POLQ: variants seen among roughly 807,000 people sequenced by gnomAD.
POLQ encodes the protein DNA polymerase theta, also known as epididymis secretory sperm binding protein.
A neutral mutation model predicts 259.2 loss-of-function variants in POLQ; 233 were observed. The observed-to-expected ratio is 0.90, with a 90% confidence interval of 0.81 to 1.00. The LOEUF (loss-of-function observed/expected upper bound fraction) is 1.00, where lower values mean the gene tolerates loss of function less well. Among genes scored for constraint, POLQ ranks in the 50% least tolerant of loss-of-function variants. The probability of loss-of-function intolerance (pLI) is 0.00; values close to 1 mark genes in which losing one functional copy is unlikely to be tolerated. For missense variants in POLQ, 2,871 were observed against 3,051.6 expected, an observed-to-expected ratio of 0.94 and a Z score of 1.39; for synonymous variants, 1,025 against 1,048.8, an observed-to-expected ratio of 0.98 and a Z score of 0.44.
chr3:121,506,679 C>A (rs2048211226), intron 12 of POLQ, among the ~76,000 whole-genome samples: 2 of 152,106 alleles, frequency 1.3e-5, no homozygotes, highest in Admixed American at 1.3e-4. Context: ...TTTGCAAAAC[C>A]AAAATCACTT....
intron 27 of POLQ, among the ~76,000 whole-genome samples, chr3:121,439,246 T>C (rs2047568615): frequency 6.6e-6 from 1 of 151,590 alleles, no homozygotes; most frequent in Non-Finnish European, 1.5e-5. Context: ...TTTTTTTTAA[T>C]TAAACATAGG....
chr3:121,440,159 A>C (rs1019292860), intron 26 of POLQ, 43 bp from the exon 27 acceptor site: 4 of 1,513,358 alleles, frequency 2.6e-6, no homozygotes, highest in Admixed American at 1.7e-5. Context: ...ACCAAAGTCT[A>C]TCCTTCACTT....
chr3:121,481,391 T>C (rs897320752), intron 19 of POLQ, among the ~76,000 whole-genome samples, 181 bp downstream of exon 19: 4 of 152,366 alleles, frequency 2.6e-5, no homozygotes, highest in African/African-American at 7.2e-5. Flanking sequence ...GTATTTGTGA[T>C]AGAGATTGTT....
At chr3:121,438,856 T>TG (rs991882556) in intron 27 of POLQ, among the ~76,000 whole-genome samples, 1 of 152,212 alleles carries the variant, frequency 6.6e-6, no homozygotes, top group Non-Finnish European at 1.5e-5. Context: ...TGTGGATATA[T>TG]GGGAGGCTAG....
At chr3:121,506,990 G>C (rs1014597159) in intron 12 of POLQ, among the ~76,000 whole-genome samples, 5 of 152,060 alleles carry the variant, frequency 3.3e-5, no homozygotes, top group Non-Finnish European at 4.4e-5. Context: ...AAAAAAAAAG[G>C]TATAATGTAT....
At chr3:121,471,937 A>G (rs2047886550) in intron 22 of POLQ, 53 bp downstream of exon 22, 3 of 1,054,936 alleles carry the variant, frequency 2.8e-6, no homozygotes, top group Admixed American at 2.6e-5. Context: ...TTACATATGA[A>G]AATGCTTTTC....
At position 121,539,806 on chromosome 3, in the gene POLQ, A is replaced by G. The variant is rs535126319; in HGVS notation, c.475-217T>C. Among the ~76,000 whole-genome samples, 15 of 152,354 alleles carry G rather than the reference A, an allele frequency of 9.8e-5. No individual in the cohort carries two copies. The South Asian group carries it at 3.1e-3, about 32-fold the overall frequency. On this transcript the variant is annotated intron_variant, in intron 3 of 29. Transcript: ENST00000264233. ...AAACTGTTAAGAGTCAAATAAAATT[A>G]TGCCATTTTAATGACAGCATAATAA...
chr3:121,498,779 TA>T (rs1323843283), intron 12 of POLQ, 109 bp from the exon 13 acceptor site: 40 of 734,928 alleles, frequency 5.4e-5, no homozygotes, highest in Non-Finnish European at 8.2e-5. Context: ...TATGTGCCTG[TA>T]GTCCTAGCTA....
chr3:121,500,325 T>C (rs915434659), intron 12 of POLQ, among the ~76,000 whole-genome samples: 1 of 151,682 alleles, frequency 6.6e-6, no homozygotes, highest in Admixed American at 6.6e-5. Context: ...TGGGGTTTAT[T>C]ATGTTGCCCA....
At position 121,432,243 on chromosome 3, in the gene POLQ, G is replaced by C. The variant is rs1377950691; in HGVS notation, c.*61C>G. On this transcript the variant is annotated 3_prime_UTR_variant, in exon 30 of 30. Transcript: ENST00000264233. ...TGAGGTAGGTGAAAGGGTAATCTCT[G>C]TTCTTTCCAGGTGACTGCATCTGCA... 2 of 1,489,240 alleles carry C rather than the reference G, an allele frequency of 1.3e-6. No homozygotes were observed. The highest frequency in any genetic ancestry group is 2.9e-5 in the African/African-American group (2 of 69,244). 92.3% of individuals were successfully genotyped at this position (1,489,240 alleles called of 1,614,324 possible). A position where few individuals can be genotyped will look rare whatever the true frequency, so the allele number is the denominator to read the frequency against.
At chr3:121,467,043 G>A (rs571513805) in intron 24 of POLQ, among the ~76,000 whole-genome samples, 1 of 152,292 alleles carries the variant, frequency 6.6e-6, no homozygotes, top group South Asian at 2.1e-4. Flanking sequence ...GGCAGAATGA[G>A]AATAGCCTTA....
At chr3:121,513,176 A>T (rs893448969) in intron 9 of POLQ, among the ~76,000 whole-genome samples, 1 of 152,152 alleles carries the variant, frequency 6.6e-6, no homozygotes, top group Non-Finnish European at 1.5e-5. Flanking sequence ...TTACCACCCG[A>T]GGCAAAGAGA....
chr3:121,517,341 G>A (rs556280878), intron 9 of POLQ, among the ~76,000 whole-genome samples: 1 of 151,734 alleles, frequency 6.6e-6, no homozygotes, highest in African/African-American at 2.4e-5. Context: ...GATGTCAGCT[G>A]TAGGAAAAAT....
chr3:121,509,845 A>T, intron 11 of POLQ, 142 bp from the exon 12 acceptor site: 1 of 898,158 alleles, frequency 1.1e-6, no homozygotes, highest in Non-Finnish European at 1.7e-6. Context: ...ATGAAAATGT[A>T]TGAGCAGGCT....
At position 121,467,812 on chromosome 3, in the gene POLQ, G is replaced by C. The variant is rs191964064; in HGVS notation, c.6846-172C>G. 3.3e-5 allele frequency among the ~76,000 whole-genome samples: 5 copies of C among 152,338 alleles called. No individual in the cohort carries two copies. In the East Asian group the frequency reaches 9.6e-4, roughly 29 times the overall value. ...TACCAGCACTTTGGGAAGCCGAGGC[G>C]AGTAGATTGCTTGAGCCCAGGAGTT... On this transcript the variant is annotated intron_variant, in intron 23 of 29. Coordinates refer to ENST00000264233, the MANE Select transcript of POLQ (RefSeq NM_199420.4).
chr3:121,458,779 A>C (rs962516807), intron 25 of POLQ, among the ~76,000 whole-genome samples: 1 of 152,176 alleles, frequency 6.6e-6, no homozygotes, highest in Non-Finnish European at 1.5e-5. Context: ...GGCTGGGTGC[A>C]GTGGCTCATG....
rs774439685 is a variant in POLQ at position 121,522,072 on chromosome 3, G to T, written c.1186C>A (p.Arg396Ser). ...ACAGAGTCCAGTCCTGAAGGCAAAC[G>T]TCTTAACTGATCCATCACTTCCAGG... ...ELLEVMDQLR[R>S]LPSGLDSVLQ... Residue 396 changes from arginine to serine, a missense_variant, in exon 8 of 30, where the codon CGT becomes AGT. This residue lies in a region of POLQ where 783 missense variants were observed against 906.2 expected (regional missense o/e 0.86). Coordinates refer to ENST00000264233, the MANE Select transcript of POLQ (RefSeq NM_199420.4). 6.2e-7 allele frequency: 1 copy of T among 1,609,718 alleles called. No individual in the cohort carries two copies. The highest frequency in any genetic ancestry group is 8.5e-7 in the Non-Finnish European group (1 of 1,177,190).
At chr3:121,473,659 T>G (rs149916397) in intron 20 of POLQ, among the ~76,000 whole-genome samples, 172 bp from the exon 21 acceptor site, 5 of 152,194 alleles carry the variant, frequency 3.3e-5, no homozygotes, top group East Asian at 1.9e-4. Flanking sequence ...CAATCAAAAT[T>G]TATATGTCAG....
intron 2 of POLQ, 27 bp downstream of exon 2, chr3:121,544,700 G>A (rs747529063): frequency 6.9e-7 from 1 of 1,439,968 alleles, no homozygotes; most frequent in Non-Finnish European, 9.7e-7. Context: ...CTTAAAAATA[G>A]TAATTAGTTT....
Sources: gnomAD v4.1 joint callset for allele counts (sites outside exome capture counted in the v4.1 genomes callset) on GRCh38, gnomAD v4.1.1 for gene constraint, gnomAD v4.1.1 regional missense constraint, MANE v1.5 for transcripts, NCBI Gene and HGNC (gene_info 2026-07-23, HGNC 2026-07-21) for gene names.